AKAP7: variants seen among roughly 807,000 people sequenced by gnomAD.
AKAP7 encodes the protein A-kinase anchoring protein 7.
In AKAP7, 39 loss-of-function variants were observed where a neutral mutation model predicts 39.5. That is an observed-to-expected ratio of 0.99 (90% CI 0.76 to 1.29). The LOEUF is 1.29. Ranked by LOEUF, AKAP7 falls within the 50% of genes most tolerant of loss-of-function variation. The pLI is 0.00. For synonymous variants in AKAP7, 140 were observed against 139.1 expected, an observed-to-expected ratio of 1.01 and a Z score of -0.05; for missense variants, 414 against 407.7, an observed-to-expected ratio of 1.02 and a Z score of -0.13.
Position 131,165,096 on chromosome 6 carries a change from A to G in AKAP7, c.307A>G (p.Lys103Glu), listed in dbSNP as rs1410214387. Reference sequence around the variant, plus strand: ...GTGTTATTAGATTATAAAAGGAATTAAGATCCTGCAGAATGCAATAATACA... The same window carrying G: ...GTGTTATTAGATTATAAAAGGAATTGAGATCCTGCAGAATGCAATAATACA... ...ITNKEIIKGIKILQNAIIQQD... is the reference protein window; with the variant it reads ...ITNKEIIKGIEILQNAIIQQD... Residue 103 changes from lysine to glutamate, a missense_variant, in exon 4 of 8, where the codon AAG becomes GAG. Physicochemically the swap from Lys to Glu is moderately conservative, Grantham distance 56 (BLOSUM62 1). Transcript: ENST00000431975. 11 of 1,607,380 alleles carry G rather than the reference A, an allele frequency of 6.8e-6. No individual in the cohort carries two copies. Among genetic ancestry groups the G allele is most frequent in the Non-Finnish European group, 9.3e-6 (11 of 1,177,576 alleles).
intron 5 of AKAP7, among the ~76,000 whole-genome samples, chr6:131,180,445 A>C (rs1177848420): frequency 2.0e-5 from 3 of 152,212 alleles, no homozygotes; most frequent in Non-Finnish European, 1.5e-5. Context: ...AGAATTAGCT[A>C]CAGAAAAATC....
chr6:131,272,401 G>T (rs1814361087), intron 7 of AKAP7, among the ~76,000 whole-genome samples: 1 of 151,596 alleles, frequency 6.6e-6, no homozygotes, highest in Non-Finnish European at 1.5e-5. Context: ...CCTTCTTTCT[G>T]CTTAATTTGG....
intron 5 of AKAP7, among the ~76,000 whole-genome samples, chr6:131,185,800 C>A (rs1253621883): frequency 6.6e-6 from 1 of 152,162 alleles, no homozygotes; most frequent in African/African-American, 2.4e-5. Flanking sequence ...TCCTATGATG[C>A]ACAAAAGTTT....
At chr6:131,252,738 T>A (rs1812538917) in intron 7 of AKAP7, among the ~76,000 whole-genome samples, 1 of 152,218 alleles carries the variant, frequency 6.6e-6, no homozygotes, top group Non-Finnish European at 1.5e-5. Context: ...AAAGAATCCA[T>A]AATAGACATT....
chr6:131,258,117 T>G (rs1444922586), intron 7 of AKAP7, among the ~76,000 whole-genome samples: 2 of 152,172 alleles, frequency 1.3e-5, no homozygotes, highest in East Asian at 1.9e-4. Context: ...CCATTTTAGT[T>G]GCAATGAAAT....
At chr6:131,136,580 TC>T (rs1800561576) in intron 1 of AKAP7, among the ~76,000 whole-genome samples, 1 of 152,236 alleles carries the variant, frequency 6.6e-6, no homozygotes, top group Non-Finnish European at 1.5e-5. Context: ...AGAGCCATAC[TC>T]CAGTTCCTTG....
intron 7 of AKAP7, among the ~76,000 whole-genome samples, chr6:131,266,982 T>C (rs1246661771): frequency 1.3e-5 from 2 of 152,196 alleles, no homozygotes; most frequent in East Asian, 3.8e-4. Flanking sequence ...AGAAAAACAG[T>C]GGCAGTTAAA....
chr6:131,177,492 T>C (rs142781967), intron 5 of AKAP7, among the ~76,000 whole-genome samples: 90 of 152,238 alleles, frequency 5.9e-4, no homozygotes, highest in Non-Finnish European at 1.1e-3. Context: ...ACTAATCCAG[T>C]CCCATGAAAG....
chr6:131,229,904 G>A (rs925757082), intron 7 of AKAP7, among the ~76,000 whole-genome samples: 2 of 152,094 alleles, frequency 1.3e-5, no homozygotes, highest in Non-Finnish European at 2.9e-5. Context: ...TTTAATTGTT[G>A]CTGCAAAGGA....
intron 5 of AKAP7, among the ~76,000 whole-genome samples, chr6:131,177,268 A>C (rs1804671990): frequency 6.6e-6 from 1 of 152,178 alleles, no homozygotes; most frequent in Non-Finnish European, 1.5e-5. Flanking sequence ...TATGAAGGAA[A>C]GACGTTTATT....
At chr6:131,211,772 CA>C (rs202168206) in intron 6 of AKAP7, among the ~76,000 whole-genome samples, 51 of 83,916 alleles carry the variant, frequency 6.1e-4, no homozygotes, top group Middle Eastern at 8.6e-3. Flanking sequence ...GACTCCGTCT[CA>C]AAAAAAAAAA....
At chr6:131,242,556 T>C (rs529705131) in intron 7 of AKAP7, among the ~76,000 whole-genome samples, 42 of 151,460 alleles carry the variant, frequency 2.8e-4, no homozygotes, top group Non-Finnish European at 4.3e-4. Flanking sequence ...TTAATATTAA[T>C]TGACCAAAAA....
chr6:131,196,322 A>G (rs946561015), intron 5 of AKAP7, among the ~76,000 whole-genome samples: 2 of 150,442 alleles, frequency 1.3e-5, no homozygotes, highest in East Asian at 1.9e-4. Flanking sequence ...CAGGAGTGCA[A>G]TGGTGCAATC....
At position 131,148,026 on chromosome 6, in the gene AKAP7, A is replaced by G. The variant is rs562120699; in HGVS notation, c.151+2610A>G. 1.5e-3 allele frequency among the ~76,000 whole-genome samples: 235 copies of G among 152,318 alleles called. 1 individual carries two copies. Among genetic ancestry groups the G allele is most frequent in the African/African-American group, 4.3e-3 (180 of 41,582 alleles). Reference sequence around the variant, plus strand: ...ACAGCCATTGGGACCAGAAAGAAGGAAGGGGCTGGATGTGTTTGTGGCATG... The same window carrying G: ...ACAGCCATTGGGACCAGAAAGAAGGGAGGGGCTGGATGTGTTTGTGGCATG... On this transcript the variant is annotated intron_variant, in intron 2 of 7. Transcript: ENST00000431975.
rs188837587 is a variant in AKAP7, at chr6:131,141,516, G to A, written c.20-3769G>A. Among the ~76,000 whole-genome samples, 10 of 152,314 alleles carry A rather than the reference G, an allele frequency of 6.6e-5. No individual in the cohort carries two copies. The East Asian group carries it at 1.7e-3, about 26-fold the overall frequency. On this transcript the variant is annotated intron_variant, in intron 1 of 7. Coordinates refer to ENST00000431975, the MANE Select transcript of AKAP7 (RefSeq NM_016377.4). ...ACAGCAATGCAAATGGACTGAGATA[G>A]AAAATTGGTACTAAAGAGCAGGGTG...
upstream of AKAP7, among the ~76,000 whole-genome samples, chr6:131,134,214 C>T (rs1800394422): frequency 6.6e-6 from 1 of 152,182 alleles, no homozygotes; most frequent in Non-Finnish European, 1.5e-5. Flanking sequence ...TCAAGTGATC[C>T]ACTCGCCTTG....
chr6:131,245,884 A>G, intron 7 of AKAP7, among the ~76,000 whole-genome samples: 1 of 152,036 alleles, frequency 6.6e-6, no homozygotes, highest in African/African-American at 2.4e-5. Flanking sequence ...AATACAAGAT[A>G]TTTACCATGT....
At chr6:131,237,839 A>T (rs1013971863) in intron 7 of AKAP7, among the ~76,000 whole-genome samples, 2 of 151,904 alleles carry the variant, frequency 1.3e-5, no homozygotes, top group African/African-American at 4.8e-5. Flanking sequence ...AATTTTGTTG[A>T]TCTTTTCCAA....
intron 1 of AKAP7, among the ~76,000 whole-genome samples, chr6:131,138,147 C>T (rs969367653): frequency 6.6e-6 from 1 of 152,078 alleles, no homozygotes; most frequent in Non-Finnish European, 1.5e-5. Flanking sequence ...GGTAACCATT[C>T]TTCTATTCTC....
Sources: gnomAD v4.1 joint callset for allele counts (sites outside exome capture counted in the v4.1 genomes callset) on GRCh38, gnomAD v4.1.1 for gene constraint, MANE v1.5 for transcripts, NCBI Gene and HGNC (gene_info 2026-07-23, HGNC 2026-07-21) for gene names.